Variants in SLC35F4 observed in about 807,000 individuals in gnomAD.
SLC35F4 encodes solute carrier family 35 member F4.
In SLC35F4, 24 loss-of-function variants were observed where a neutral mutation model predicts 44.2. The ratio of observed to expected loss-of-function variants is 0.54; its 90% CI spans 0.39 to 0.76. The LOEUF (loss-of-function observed/expected upper bound fraction) is 0.76, where lower values mean the gene tolerates loss of function less well. Ranked by LOEUF, SLC35F4 falls within the 30% of genes least tolerant of loss-of-function variation. SLC35F4 has a pLI of 0.00. For missense variants in SLC35F4, 562 were observed against 586.1 expected (o/e 0.96, Z 0.42); for synonymous variants, 238 against 223.6 (o/e 1.06, Z -0.57).
Position 57,599,153 on chromosome 14 carries a change from C to T in SLC35F4, c.104-5029G>A, listed in dbSNP as rs115474419. Among the ~76,000 whole-genome samples the T allele has an allele frequency of 1.7e-3, 262 of 152,328 alleles. 2 individuals are homozygous for T. The highest frequency in any genetic ancestry group is 6.8e-3 in the Middle Eastern group (2 of 294). Reference sequence around the variant, plus strand: ...ACATGTATTTGCAAATTATGCTTAACCATAACACAACTTTGTCTGTTTTCA... The same window carrying T: ...ACATGTATTTGCAAATTATGCTTAATCATAACACAACTTTGTCTGTTTTCA... On this transcript the variant is annotated intron_variant, in intron 1 of 7. Transcript: ENST00000556826.
Position 57,878,518 on chromosome 14 carries a change from G to C in SLC35F4, n.282+103395C>G, listed in dbSNP as rs138534413. On this transcript the variant is annotated intron_variant and non_coding_transcript_variant, in intron 1 of 1. Transcript: ENST00000556568. ...TCTAAATTCCTGAATGAACTCTTTT[G>C]AGATCTCTGAAAAAGCTATGGGCTT... Among the ~76,000 whole-genome samples the C allele has an allele frequency of 4.1e-3, 620 of 152,202 alleles. 2 individuals carry two copies. Among genetic ancestry groups the C allele is most frequent in the African/African-American group, 5.9e-3 (244 of 41,534 alleles).
At chr14:57,718,406 T>C (rs1017069915) in intron 1 of SLC35F4, among the ~76,000 whole-genome samples, 2 of 152,212 alleles carry the variant, frequency 1.3e-5, no homozygotes, top group African/African-American at 2.4e-5. Flanking sequence ...TTCTAGTTTT[T>C]TGAGGAACCT....
At chr14:57,724,201 A>C (rs2076150466) in intron 1 of SLC35F4, among the ~76,000 whole-genome samples, 1 of 152,154 alleles carries the variant, frequency 6.6e-6, no homozygotes, top group African/African-American at 2.4e-5. Flanking sequence ...GCTGCTGTCC[A>C]AGCTGCTCTG....
At chr14:57,887,972 G>T (rs548522719) in intron 1 of SLC35F4, among the ~76,000 whole-genome samples, 1 of 152,242 alleles carries the variant, frequency 6.6e-6, no homozygotes, top group South Asian at 2.1e-4. Flanking sequence ...TTGCCTCATG[G>T]ACATGCTGAT....
chr14:57,863,034 AT>A (rs538645501), intron 1 of SLC35F4, among the ~76,000 whole-genome samples: 168 of 152,164 alleles, frequency 1.1e-3, no homozygotes, highest in African/African-American at 3.9e-3. Flanking sequence ...TTTAAAAAAA[AT>A]GTTTAAATAA....
At chr14:57,847,932 A>G (rs1886183629) in intron 1 of SLC35F4, among the ~76,000 whole-genome samples, 1 of 152,224 alleles carries the variant, frequency 6.6e-6, no homozygotes, top group Non-Finnish European at 1.5e-5. Context: ...AAACATCTGT[A>G]TTTGCTCATT....
At chr14:57,797,161 T>A (rs2078072535) in intron 1 of SLC35F4, among the ~76,000 whole-genome samples, 1 of 152,184 alleles carries the variant, frequency 6.6e-6, no homozygotes, top group Non-Finnish European at 1.5e-5. Flanking sequence ...AACCTTGACA[T>A]TCAGAAGATC....
intron 1 of SLC35F4, among the ~76,000 whole-genome samples, chr14:57,603,226 T>C (rs1414608895): frequency 6.6e-6 from 1 of 152,246 alleles, no homozygotes; most frequent in African/African-American, 2.4e-5. Flanking sequence ...TTGTGTGTGA[T>C]AGTCCTGATC....
At chr14:57,867,749 GA>G (rs1888212416), upstream of SLC35F4, among the ~76,000 whole-genome samples, 1 of 151,970 alleles carries the variant, frequency 6.6e-6, no homozygotes, top group Non-Finnish European at 1.5e-5. Context: ...AAGTTTCTAT[GA>G]AAGATAAATT....
At chr14:57,868,611 G>T (rs1442713425), upstream of SLC35F4, among the ~76,000 whole-genome samples, 1 of 151,892 alleles carries the variant, frequency 6.6e-6, no homozygotes, top group African/African-American at 2.4e-5. Flanking sequence ...GAGTAATTAG[G>T]ACTACAGGCA....
At chr14:57,683,046 C>T (rs1015174203) in intron 1 of SLC35F4, among the ~76,000 whole-genome samples, 8 of 150,318 alleles carry the variant, frequency 5.3e-5, no homozygotes, top group African/African-American at 7.4e-5. Context: ...CTCTGTTCTA[C>T]GGAAAAAAAT....
intron 1 of SLC35F4, among the ~76,000 whole-genome samples, chr14:57,807,287 T>C (rs191863458): frequency 2.5e-4 from 38 of 149,452 alleles, no homozygotes; most frequent in Non-Finnish European, 1.3e-4. Context: ...TTCACCCTCC[T>C]CCTGGAGGGG....
chr14:57,624,295 G>T (rs2056776396), intron 1 of SLC35F4, among the ~76,000 whole-genome samples: 1 of 152,192 alleles, frequency 6.6e-6, no homozygotes, highest in Non-Finnish European at 1.5e-5. Context: ...TTCTGAAATT[G>T]AAGCAGTAAT....
At chr14:57,610,910 A>G (rs898916131) in intron 1 of SLC35F4, among the ~76,000 whole-genome samples, 1 of 152,266 alleles carries the variant, frequency 6.6e-6, no homozygotes, top group African/African-American at 2.4e-5. Context: ...ACATAAACAT[A>G]TGGATAGAGC....
intron 5 of SLC35F4, 128 bp downstream of exon 5, chr14:57,571,766 A>C (rs2068518720): frequency 2.3e-6 from 3 of 1,323,720 alleles, no homozygotes; most frequent in Non-Finnish European, 3.0e-6. Context: ...CAAGTAGTTA[A>C]TTTACTTACT....
chr14:57,655,669 C>T (rs940426191), intron 1 of SLC35F4, among the ~76,000 whole-genome samples: 4 of 152,074 alleles, frequency 2.6e-5, no homozygotes, highest in African/African-American at 7.2e-5. Context: ...GCCACCTCAC[C>T]CAGAGCTGTT....
At chr14:57,590,244 T>C (rs1412222572) in intron 2 of SLC35F4, among the ~76,000 whole-genome samples, 1 of 104,274 alleles carries the variant, frequency 9.6e-6, no homozygotes, top group Non-Finnish European at 2.2e-5. Context: ...AAAAAAAAAA[T>C]TAGCCGTGGG....
intron 1 of SLC35F4, among the ~76,000 whole-genome samples, chr14:57,738,731 C>T: frequency 7.5e-6 from 1 of 132,786 alleles, no homozygotes; most frequent in Admixed American, 8.1e-5. Flanking sequence ...GCCTTTATTT[C>T]ATAATATTTG....
chr14:57,665,207 G>C (rs2074268424), intron 1 of SLC35F4, among the ~76,000 whole-genome samples: 1 of 151,586 alleles, frequency 6.6e-6, no homozygotes. Flanking sequence ...ACACCTGTCA[G>C]AGTGAAAAAT....
Sources: gnomAD v4.1 joint callset for allele counts (sites outside exome capture counted in the v4.1 genomes callset) on GRCh38, gnomAD v4.1.1 for gene constraint, MANE v1.5 for transcripts, NCBI Gene and HGNC (gene_info 2026-07-23, HGNC 2026-07-21) for gene names.